Variants in NBEA observed in about 807,000 individuals in gnomAD.
The protein encoded by NBEA is neurobeachin, also known as lysosomal-trafficking regulator 2.
A neutral mutation model predicts 343.4 loss-of-function variants in NBEA; 44 were observed. That is an observed-to-expected ratio of 0.13 (90% CI 0.10 to 0.16). The LOEUF (loss-of-function observed/expected upper bound fraction) is 0.16. Among genes scored for constraint, NBEA ranks in the 10% least tolerant of loss-of-function variants. The pLI, the probability that NBEA is intolerant of heterozygous loss-of-function variation, is 1.00. For missense variants in NBEA, 2,555 were observed against 3,631.3 expected (o/e 0.70, Z 7.62); for synonymous variants, 1,175 against 1,238.7 (o/e 0.95, Z 1.08).
chr13:35,196,291 T>C lies in NBEA; in HGVS notation c.5355T>C (p.His1785=), dbSNP rs759669760. Residue 1785 remains histidine (H), a synonymous_variant, in exon 31 of 59, where the codon CAT becomes CAC. Transcript: ENST00000379939. ...AAGCTATTCTTCCTATGCAGTTTCA[T>C]TCCTTTGACAGGTAGGTACTGAACT... The part of the protein sequence containing the change: ...ETQAILPMQF[H]SFDRSVVVPV... 1.2e-6 allele frequency: 2 copies of C among 1,612,350 alleles called. No individual in the cohort carries two copies. The highest frequency in any genetic ancestry group is 1.7e-6 in the Non-Finnish European group (2 of 1,178,976).
At chr13:35,592,773 A>G (rs906976155) in intron 46 of NBEA, among the ~76,000 whole-genome samples, 1 of 152,036 alleles carries the variant, frequency 6.6e-6, no homozygotes, top group African/African-American at 2.4e-5. Flanking sequence ...CACTCCCAAG[A>G]GCTATTGAAG....
intron 2 of NBEA, among the ~76,000 whole-genome samples, chr13:35,043,760 A>G (rs906588028): frequency 5.9e-5 from 9 of 151,978 alleles, no homozygotes; most frequent in African/African-American, 2.2e-4. Context: ...TTTGAAATAT[A>G]CAAATGACAA....
chr13:35,520,311 A>C (rs765306936), intron 41 of NBEA, among the ~76,000 whole-genome samples: 2 of 152,208 alleles, frequency 1.3e-5, no homozygotes, highest in Non-Finnish European at 2.9e-5. Context: ...TGATTTGATT[A>C]GGTAGAAGCC....
intron 1 of NBEA, among the ~76,000 whole-genome samples, chr13:35,008,527 TC>T (rs998318259): frequency 1.3e-4 from 20 of 152,316 alleles, no homozygotes; most frequent in African/African-American, 4.8e-4. Context: ...ATCCATTTAT[TC>T]CCCAAATATT....
chr13:35,319,667 A>G (rs2037999655), intron 36 of NBEA, among the ~76,000 whole-genome samples: 1 of 152,126 alleles, frequency 6.6e-6, no homozygotes, highest in Admixed American at 6.5e-5. Context: ...TCTCTCGTTG[A>G]TATGTCTAAT....
At chr13:35,075,314 G>A (rs1043871139) in intron 10 of NBEA, among the ~76,000 whole-genome samples, 1 of 152,046 alleles carries the variant, frequency 6.6e-6, no homozygotes, top group East Asian at 1.9e-4. Flanking sequence ...CATTTAATGA[G>A]TTTTCTTTTT....
intron 38 of NBEA, among the ~76,000 whole-genome samples, chr13:35,407,705 A>C (rs1281572094): frequency 6.6e-6 from 1 of 152,132 alleles, no homozygotes; most frequent in Non-Finnish European, 1.5e-5. Context: ...GAGCATTGCT[A>C]TACATCATCA....
At chr13:35,089,197 TCAAA>T (rs2064936532) in intron 10 of NBEA, among the ~76,000 whole-genome samples, 2 of 70,592 alleles carry the variant, frequency 2.8e-5, no homozygotes, top group Non-Finnish European at 5.3e-5. Flanking sequence ...TACAATGAAC[TCAAA>T]CAAATTTACA....
intron 38 of NBEA, among the ~76,000 whole-genome samples, chr13:35,362,748 A>T (rs1185035708): frequency 1.3e-5 from 2 of 152,006 alleles, no homozygotes; most frequent in East Asian, 3.9e-4. Context: ...TCAAATGAGA[A>T]CATGTGTTCT....
chr13:35,638,186 A>C (rs184094996), intron 49 of NBEA, among the ~76,000 whole-genome samples: 1 of 152,342 alleles, frequency 6.6e-6, no homozygotes, highest in African/African-American at 2.4e-5. Flanking sequence ...GAGATTGGTT[A>C]CACAATAGTG....
At chr13:34,946,350 A>C (rs2059183462) in intron 1 of NBEA, among the ~76,000 whole-genome samples, 1 of 152,180 alleles carries the variant, frequency 6.6e-6, no homozygotes. Flanking sequence ...ACATATGTTT[A>C]TATAAGCTTT....
At chr13:35,280,864 C>T (rs189543382) in intron 34 of NBEA, among the ~76,000 whole-genome samples, 64 of 151,762 alleles carry the variant, frequency 4.2e-4, no homozygotes, top group South Asian at 6.2e-4. Flanking sequence ...AATAGATCTC[C>T]GTCATATTAT....
intron 34 of NBEA, among the ~76,000 whole-genome samples, chr13:35,257,874 A>C (rs765009511): frequency 3.3e-5 from 5 of 152,050 alleles, no homozygotes; most frequent in Admixed American, 6.5e-5. Context: ...TTTTTTTCTT[A>C]CTTGAGTGAA....
chr13:35,044,939 C>T lies in NBEA; in HGVS notation c.527-8C>T. On this transcript the variant is annotated splice_polypyrimidine_tract_variant and splice_region_variant and intron_variant, in intron 2 of 58. Coordinates refer to ENST00000379939, the MANE Select transcript of NBEA (RefSeq NM_001385012.1). ...TAGAGTTCAGAATAACTTTATTTTC[C>T]TTTGAAGATCTTCTAGTTGATATGT... 1.9e-6 allele frequency: 3 copies of T among 1,600,048 alleles called. No homozygotes were observed. Among genetic ancestry groups the T allele is most frequent in the Non-Finnish European group, 2.6e-6 (3 of 1,171,568 alleles).
intron 34 of NBEA, chr13:35,251,533 G>A: frequency 8.7e-7 from 1 of 1,144,278 alleles, no homozygotes; most frequent in Non-Finnish European, 1.1e-6. Context: ...GCTCATCCTG[G>A]ACGTCATGTC....
chr13:35,281,915 T>C, intron 34 of NBEA, among the ~76,000 whole-genome samples: 1 of 151,902 alleles, frequency 6.6e-6, no homozygotes, highest in African/African-American at 2.4e-5. Flanking sequence ...AATTATGTTA[T>C]TTATTTATTT....
intron 38 of NBEA, among the ~76,000 whole-genome samples, chr13:35,429,337 G>T (rs775337650): frequency 2.0e-5 from 3 of 149,618 alleles, no homozygotes; most frequent in African/African-American, 7.4e-5. Flanking sequence ...TAGGTCAGGT[G>T]GGGACACAAT....
chr13:35,352,868 T>G (rs2152866077), intron 38 of NBEA, among the ~76,000 whole-genome samples: 1 of 152,300 alleles, frequency 6.6e-6, no homozygotes, highest in African/African-American at 2.4e-5. Context: ...TTTGGTTGTT[T>G]ATAAATCACA....
intron 41 of NBEA, among the ~76,000 whole-genome samples, chr13:35,486,656 A>G (rs1003330797): frequency 1.3e-5 from 2 of 152,076 alleles, no homozygotes. Context: ...TCTAGACTAC[A>G]TATGTCCATA....
Sources: allele counts gnomAD v4.1 joint callset (sites outside exome capture counted in the v4.1 genomes callset), GRCh38; gene constraint gnomAD v4.1.1; transcripts MANE v1.5; gene names NCBI Gene and HGNC (gene_info 2026-07-23, HGNC 2026-07-21).